KLHL36: variants seen among roughly 807,000 people sequenced by gnomAD.
The protein encoded by KLHL36 is kelch like family member 36.
In KLHL36, 35 loss-of-function variants were observed where a neutral mutation model predicts 53.3. That is an observed-to-expected ratio of 0.66 (90% confidence interval 0.50 to 0.87). KLHL36 has a LOEUF of 0.87. Ranked by LOEUF, KLHL36 falls within the 40% of genes least tolerant of loss-of-function variation. The pLI is 0.00. For synonymous variants in KLHL36, 472 were observed against 398.9 expected, an observed-to-expected ratio of 1.18 and a Z score of -2.18; for missense variants, 864 against 897.6, an observed-to-expected ratio of 0.96 and a Z score of 0.48.
intron 2 of KLHL36, among the ~76,000 whole-genome samples, chr16:84,652,459 C>G (rs186047148): frequency 6.6e-6 from 1 of 151,984 alleles, no homozygotes; most frequent in African/African-American, 2.4e-5. Context: ...TTAGTAGAGA[C>G]GGGGTTTCAC....
intron 4 of KLHL36, among the ~76,000 whole-genome samples, 176 bp downstream of exon 4, chr16:84,660,093 C>T (rs1487770459): frequency 2.6e-5 from 4 of 152,084 alleles, no homozygotes; most frequent in Admixed American, 6.6e-5. Context: ...GTGCACAGTC[C>T]GGGCTCCGGT....
intron 2 of KLHL36, among the ~76,000 whole-genome samples, chr16:84,652,947 G>C (rs368575760): frequency 1.3e-5 from 2 of 152,200 alleles, no homozygotes; most frequent in South Asian, 4.1e-4. Flanking sequence ...GCCAGGCACA[G>C]TGGCTCACGC....
At position 84,664,465 on chromosome 16, in the gene KLHL36, G is replaced by A. The variant is rs936337489; in HGVS notation, c.*2332G>A. 1 of 152,150 alleles carries A rather than the reference G, an allele frequency of 6.6e-6. No individual in the cohort carries two copies. 9.4% of individuals were successfully genotyped at this position (152,150 alleles called of 1,614,324 possible). Reference sequence around the variant, plus strand: ...GTCCCTGGAAATGTGTGAGCTTCTGGCCTCTATTCTGATTTTCTTGTGCCT... The same window carrying A: ...GTCCCTGGAAATGTGTGAGCTTCTGACCTCTATTCTGATTTTCTTGTGCCT... On this transcript the variant is annotated 3_prime_UTR_variant, in exon 5 of 5. Transcript: ENST00000564996.
intron 1 of KLHL36, among the ~76,000 whole-genome samples, chr16:84,649,822 C>A (rs1291688274): frequency 1.3e-5 from 2 of 152,158 alleles, no homozygotes; most frequent in African/African-American, 2.4e-5. Context: ...CAATAGGTAA[C>A]AAACTCTTCT....
chr16:84,648,990 C>G lies in KLHL36; in HGVS notation c.-17+341C>G, dbSNP rs1336505624. 2 of 152,304 alleles carry G rather than the reference C, an allele frequency of 1.3e-5. No homozygotes were observed. The highest frequency in any genetic ancestry group is 1.9e-4 in the East Asian group (1 of 5,176). The allele number at this position is 152,304 out of a possible 1,614,324, so 9.4% of individuals were successfully genotyped here. Reference sequence around the variant, plus strand: ...TGAGTTCCGCCTGGGCTGCGGGGTCCGAGCGAACGACAGCGGCGTCCCCGG... The same window carrying G: ...TGAGTTCCGCCTGGGCTGCGGGGTCGGAGCGAACGACAGCGGCGTCCCCGG... On this transcript the variant is annotated intron_variant, in intron 1 of 4. Coordinates refer to ENST00000564996, the MANE Select transcript of KLHL36 (RefSeq NM_024731.4). This position sits in a 1 kb window ranked among gnomAD's most constrained non-coding sequence, Gnocchi z 4.9.
chr16:84,654,045 C>T (rs1024512012), intron 2 of KLHL36, among the ~76,000 whole-genome samples: 1 of 152,122 alleles, frequency 6.6e-6, no homozygotes, highest in Non-Finnish European at 1.5e-5. Context: ...TGTCTCCCCT[C>T]GGCAGCCGTT....
chr16:84,652,720 G>A (rs1316306833), intron 2 of KLHL36, among the ~76,000 whole-genome samples: 5 of 152,316 alleles, frequency 3.3e-5, no homozygotes, highest in East Asian at 1.9e-4. Flanking sequence ...CAACCCCACC[G>A]CTGTGGTTTG....
intron 2 of KLHL36, among the ~76,000 whole-genome samples, chr16:84,654,110 G>A (rs543360988): frequency 2.6e-5 from 4 of 152,308 alleles, no homozygotes; most frequent in African/African-American, 9.6e-5. Flanking sequence ...TGACACTGCA[G>A]TCTGGGGTTG....
rs772816954 is a variant in KLHL36, at chr16:84,657,493, G to T, written c.686G>T (p.Arg229Leu). 2 of 1,608,160 alleles carry T rather than the reference G, an allele frequency of 1.2e-6. No homozygotes were observed. The highest frequency in any genetic ancestry group is 8.5e-7 in the Non-Finnish European group (1 of 1,179,850). Residue 229 changes from arginine (R) to leucine (L), a missense_variant, in exon 3 of 5, where the codon CGC becomes CTC. By Grantham distance (102) the Arg-to-Leu change is moderately radical (BLOSUM62 -2). Transcript: ENST00000564996. ...TQQPEREAHA[R>L]QVLENIHFPL... ...CAGCCCGAGCGCGAGGCCCACGCCC[G>T]CCAGGTGCTGGAGAACATCCACTTC...
In KLHL36 at chr16:84,665,953, C is replaced by G. The variant is rs1448199597; in HGVS notation, c.*3820C>G. On this transcript the variant is annotated 3_prime_UTR_variant, in exon 5 of 5. Coordinates refer to ENST00000564996, the MANE Select transcript of KLHL36 (RefSeq NM_024731.4). ...CATGGGCCTTGTGGCTGTCAGAGCC[C>G]GTGGTTGGAACCCCGTCCACTGGTC... 1 of 152,216 alleles carries G rather than the reference C, an allele frequency of 6.6e-6. No individual in the cohort carries two copies. Among genetic ancestry groups the G allele is most frequent in the Non-Finnish European group, 1.5e-5 (1 of 68,112 alleles). The allele number at this position is 152,216 out of a possible 1,614,324, so 9.4% of individuals were successfully genotyped here. A position where few individuals can be genotyped will look rare whatever the true frequency, so the allele number is the denominator to read the frequency against.
rs1422664705 is a variant in KLHL36, at chr16:84,667,365, G to C, written c.*5232G>C. The C allele has an allele frequency of 6.6e-6, 1 of 152,216 alleles. No individual in the cohort carries two copies. Among genetic ancestry groups the C allele is most frequent in the Non-Finnish European group, 1.5e-5 (1 of 68,034 alleles). 9.4% of individuals were successfully genotyped at this position (152,216 alleles called of 1,614,324 possible). A position where few individuals can be genotyped will look rare whatever the true frequency, so the allele number is the denominator to read the frequency against. On this transcript the variant is annotated 3_prime_UTR_variant, in exon 5 of 5. Coordinates refer to ENST00000564996, the MANE Select transcript of KLHL36 (RefSeq NM_024731.4). Reference sequence around the variant, plus strand: ...ATTCATTGGGTATGTTCTGGCTACTGATGTTACTGAAATCTGCAATCGTGT... The same window carrying C: ...ATTCATTGGGTATGTTCTGGCTACTCATGTTACTGAAATCTGCAATCGTGT...
At position 84,659,884 on chromosome 16, in the gene KLHL36, C is replaced by G. The variant is rs1311177663; in HGVS notation, c.1262C>G (p.Thr421Ser). The G allele has an allele frequency of 6.2e-7, 1 of 1,613,376 alleles. No homozygotes were observed. The highest frequency in any genetic ancestry group is 8.5e-7 in the Non-Finnish European group (1 of 1,179,362). Reference protein sequence around the residue: ...LSSVETYSPKTDSWSYVAGLP... With the variant: ...LSSVETYSPKSDSWSYVAGLP... ...TCAGTAGAGACGTACAGTCCCAAGA[C>G]TGACTCCTGGTCCTATGTGGCCGGC... The change falls in exon 4 of 5, where the codon ACT becomes AGT. Residue 421 changes from threonine (T) to serine (S), a missense_variant. Coordinates refer to ENST00000564996, the MANE Select transcript of KLHL36 (RefSeq NM_024731.4).
Position 84,664,136 on chromosome 16 carries a change from A to G in KLHL36, c.*2003A>G, listed in dbSNP as rs1401161663. The G allele has an allele frequency of 6.6e-6, 1 of 152,138 alleles. No individual in the cohort carries two copies. The highest frequency in any genetic ancestry group is 1.5e-5 in the Non-Finnish European group (1 of 68,030). 9.4% of individuals were successfully genotyped at this position (152,138 alleles called of 1,614,324 possible). A position where few individuals can be genotyped will look rare whatever the true frequency, so the allele number is the denominator to read the frequency against. Reference sequence around the variant, plus strand: ...CATACCTAGTCCCAGACCCCCACAAAACATGTTTTGCAGAACTTCTGCCAA... The same window carrying G: ...CATACCTAGTCCCAGACCCCCACAAGACATGTTTTGCAGAACTTCTGCCAA... On this transcript the variant is annotated 3_prime_UTR_variant, in exon 5 of 5. Transcript: ENST00000564996.
rs538282138 is a variant in KLHL36, at chr16:84,651,034, G to C, written c.63+104G>C. ...ACAGACTGATTTTTTTGTCATTGGT[G>C]TTGTCAGTCTCCTTAATGACAAGTA... On this transcript the variant is annotated intron_variant, in intron 2 of 4. Transcript: ENST00000564996. The C allele has an allele frequency of 9.5e-4, 874 of 920,012 alleles. 4 individuals carry two copies. Among genetic ancestry groups the C allele is most frequent in the Non-Finnish European group, 1.3e-3 (744 of 593,842 alleles). The allele number at this position is 920,012 out of a possible 1,614,324, so 57.0% of individuals were successfully genotyped here.
intron 3 of KLHL36, 107 bp from the exon 4 acceptor site, chr16:84,659,653 T>C: frequency 2.6e-6 from 3 of 1,164,354 alleles, no homozygotes; most frequent in Non-Finnish European, 3.7e-6. Context: ...TTCCCAAACA[T>C]TCTCCGGGGT....
chr16:84,651,948 G>A (rs1201886207), intron 2 of KLHL36, among the ~76,000 whole-genome samples: 2 of 152,116 alleles, frequency 1.3e-5, no homozygotes, highest in Admixed American at 6.5e-5. Flanking sequence ...GAAAAAGGGG[G>A]AAAGAGATTC....
intron 2 of KLHL36, among the ~76,000 whole-genome samples, chr16:84,656,574 G>T (rs1168438385): frequency 2.7e-5 from 4 of 149,592 alleles, no homozygotes; most frequent in African/African-American, 9.8e-5. Flanking sequence ...AGAGGTTGCA[G>T]TGAGCTGAGG....
chr16:84,654,173 C>T (rs1183188189), intron 2 of KLHL36, among the ~76,000 whole-genome samples: 2 of 152,238 alleles, frequency 1.3e-5, no homozygotes. Flanking sequence ...AGCGTGGAGA[C>T]AGCCAGGGTC....
At chr16:84,655,257 A>G (rs554652309) in intron 2 of KLHL36, among the ~76,000 whole-genome samples, 1 of 152,348 alleles carries the variant, frequency 6.6e-6, no homozygotes, top group South Asian at 2.1e-4. Flanking sequence ...TGGAAATACC[A>G]CAGGGAAATA....
Sources: allele counts gnomAD v4.1 joint callset (sites outside exome capture counted in the v4.1 genomes callset), GRCh38; gene constraint gnomAD v4.1.1; non-coding constraint Gnocchi (gnomAD v3.1); transcripts MANE v1.5; gene names NCBI Gene and HGNC (gene_info 2026-07-23, HGNC 2026-07-21).